The following SLC14A2 variants were observed in gnomAD, a reference collection of about 807,000 sequenced individuals.
SLC14A2 encodes the protein urea transporter 2.
SLC14A2 carries 91 observed loss-of-function variants against 104.6 expected under a neutral mutation model. The observed-to-expected ratio is 0.87, with a 90% CI of 0.73 to 1.04. SLC14A2 has a LOEUF of 1.04. SLC14A2 is among the 50% of genes least tolerant of loss of function. The probability of loss-of-function intolerance (pLI) is 0.00; values close to 1 mark genes in which losing one functional copy is unlikely to be tolerated. For synonymous variants in SLC14A2, 476 were observed against 466.4 expected, an observed-to-expected ratio of 1.02 and a Z score of -0.27; for missense variants, 1,189 against 1,156.0, an observed-to-expected ratio of 1.03 and a Z score of -0.41.
rs2045272808 is a variant in SLC14A2, at chr18:45,627,148, G to C, written c.521+1G>C. The stretch of plus-strand genomic sequence containing the variant: ...CAGCTCTCGCCTTGGGCCAAGACAG[G>C]TGGGTCCCTCTCTATAGGGATTTTA... On this transcript the variant is annotated splice_donor_variant, in intron 4 of 19. Transcript: ENST00000255226. LOFTEE classifies it high-confidence loss of function. The C allele has an allele frequency of 1.9e-6, 3 of 1,613,624 alleles. No individual in the cohort carries two copies. In the South Asian group the frequency reaches 3.3e-5, roughly 18 times the overall value.
At chr18:45,600,024 C>T (rs1482276619) in intron 2 of SLC14A2, among the ~76,000 whole-genome samples, 1 of 152,038 alleles carries the variant, frequency 6.6e-6, no homozygotes, top group African/African-American at 2.4e-5. Flanking sequence ...CAAACAATAT[C>T]AGAGCCCTTC....
the SLC14A2 span, among the ~76,000 whole-genome samples, chr18:45,173,187 T>C: frequency 6.6e-6 from 1 of 152,132 alleles, no homozygotes; most frequent in African/African-American, 2.4e-5. Context: ...CATTTTGAAA[T>C]GGGTGGGAGA....
At chr18:45,615,951 G>A (rs1234120480) in intron 1 of SLC14A2, among the ~76,000 whole-genome samples, 3 of 152,108 alleles carry the variant, frequency 2.0e-5, no homozygotes, top group Non-Finnish European at 4.4e-5. Context: ...AAGGCACCAT[G>A]GCCATGTTAG....
At chr18:45,485,692 T>C (rs2087589898) in intron 2 of SLC14A2, among the ~76,000 whole-genome samples, 1 of 152,204 alleles carries the variant, frequency 6.6e-6, no homozygotes, top group Non-Finnish European at 1.5e-5. Context: ...TCCCTTCAAC[T>C]CTTTGGTCTT....
At chr18:45,457,727 C>A (rs2086969726) in intron 1 of SLC14A2, among the ~76,000 whole-genome samples, 1 of 151,286 alleles carries the variant, frequency 6.6e-6, no homozygotes, top group African/African-American at 2.4e-5. Flanking sequence ...GCCAAGAACA[C>A]AGGCTCAGGA....
At chr18:45,273,188 A>G (rs915929515) in intron 1 of SLC14A2, among the ~76,000 whole-genome samples, 1 of 152,088 alleles carries the variant, frequency 6.6e-6, no homozygotes, top group South Asian at 2.1e-4. Context: ...TTTTATTTTC[A>G]GTGGTTTTAT....
chr18:45,466,257 G>A (rs1483010402), intron 1 of SLC14A2, among the ~76,000 whole-genome samples: 1 of 151,962 alleles, frequency 6.6e-6, no homozygotes, highest in East Asian at 1.9e-4. Flanking sequence ...TTGACTATGA[G>A]TACAGAGGGG....
At chr18:45,440,534 G>C (rs943482507) in intron 1 of SLC14A2, 1 of 152,224 alleles carries the variant, frequency 6.6e-6, no homozygotes, top group Non-Finnish European at 1.5e-5. Flanking sequence ...AGTAAGCCTA[G>C]GCAGGGGGAG....
intron 1 of SLC14A2, among the ~76,000 whole-genome samples, chr18:45,341,914 G>A (rs1185364521): frequency 6.6e-6 from 1 of 152,156 alleles, no homozygotes; most frequent in Non-Finnish European, 1.5e-5. Context: ...CTAAGCACAA[G>A]AAGGCTGTGA....
intron 1 of SLC14A2, among the ~76,000 whole-genome samples, chr18:45,371,628 G>A (rs952361045): frequency 6.6e-6 from 1 of 152,100 alleles, no homozygotes; most frequent in African/African-American, 2.4e-5. Context: ...TCTGACCCTA[G>A]AGCCTATTCT....
the SLC14A2 span, among the ~76,000 whole-genome samples, chr18:45,202,991 C>T: frequency 6.6e-6 from 1 of 152,246 alleles, no homozygotes; most frequent in Middle Eastern, 3.4e-3. Context: ...ATCACCGTTC[C>T]AGTGGTTCTG....
At chr18:45,682,276 G>A (rs1192507204) in intron 19 of SLC14A2, 43 bp from the exon 20 acceptor site, 2 of 1,569,050 alleles carry the variant, frequency 1.3e-6, no homozygotes, top group South Asian at 1.1e-5. Context: ...AAATGCACAG[G>A]CACCTGATGT....
At chr18:45,390,805 C>T (rs1009288420) in intron 1 of SLC14A2, among the ~76,000 whole-genome samples, 2 of 152,204 alleles carry the variant, frequency 1.3e-5, no homozygotes, top group Non-Finnish European at 2.9e-5. Context: ...TCACAATAAC[C>T]AGGTGAGACA....
upstream of SLC14A2, among the ~76,000 whole-genome samples, chr18:45,209,236 G>A (rs185265003): frequency 1.3e-5 from 2 of 150,492 alleles, no homozygotes; most frequent in Admixed American, 6.6e-5. Flanking sequence ...CTAGCTACTC[G>A]GGAGGCTGAG....
chr18:45,245,057 C>G (rs9973059), intron 1 of SLC14A2, among the ~76,000 whole-genome samples: 17,440 of 152,236 alleles, frequency 0.11, 1,102 homozygotes, highest in African/African-American at 0.16. Context: ...ACATACTCAT[C>G]ACACAATGAA....
intron 1 of SLC14A2, among the ~76,000 whole-genome samples, chr18:45,414,757 A>AAAAATAT (rs1360051908): frequency 6.0e-4 from 46 of 76,084 alleles, no homozygotes; most frequent in African/African-American, 2.5e-3. Flanking sequence ...AAAAAAAAAA[A>AAAAATAT]ATATATATAT....
rs1408900208 is a variant in SLC14A2, at chr18:45,309,726, C to CATT, written c.-125+96537_-125+96539dup. Among the ~76,000 whole-genome samples the CATT allele has an allele frequency of 2.6e-5, 4 of 152,156 alleles. No homozygotes were observed. In the East Asian group the frequency reaches 7.7e-4, roughly 29 times the overall value. On this transcript the variant is annotated intron_variant, in intron 1 of 20. Coordinates refer to the SLC14A2 transcript ENST00000586448. ...ATTTTTAAGTGAACTACCTCAGATA[C>CATT]ATTACAAGAGTTTGATTAATTGTAT...
rs1241506968 is a variant in SLC14A2, at chr18:45,251,091, T to C, written c.-125+37900T>C. 2.0e-5 allele frequency among the ~76,000 whole-genome samples: 3 copies of C among 152,302 alleles called. No individual in the cohort carries two copies. In the East Asian group the frequency reaches 5.8e-4, roughly 29 times the overall value. On this transcript the variant is annotated intron_variant, in intron 1 of 20. Coordinates refer to the SLC14A2 transcript ENST00000586448. ...AAAGTATTTGGTTACATAAGTTCTT[T>C]TGTGGTGATTTGTGAGATTTTGGTG...
At chr18:45,288,574 T>A (rs2084838353) in intron 1 of SLC14A2, among the ~76,000 whole-genome samples, 1 of 152,186 alleles carries the variant, frequency 6.6e-6, no homozygotes, top group African/African-American at 2.4e-5. Flanking sequence ...CTTCTCTATG[T>A]GGTCTAAGTT....
Sources: allele counts gnomAD v4.1 joint callset (sites outside exome capture counted in the v4.1 genomes callset), GRCh38; gene constraint gnomAD v4.1.1; transcripts MANE v1.5; gene names NCBI Gene and HGNC (gene_info 2026-07-23, HGNC 2026-07-21).